Variants in ADGB observed in about 807,000 individuals in gnomAD.
ADGB encodes androglobin.
In ADGB, 172 loss-of-function variants were observed where a neutral mutation model predicts 210.5. The observed-to-expected ratio is 0.82, with a 90% confidence interval of 0.72 to 0.93. ADGB has a LOEUF of 0.93. ADGB is among the 40% of genes least tolerant of loss of function. ADGB has a pLI of 0.00. For synonymous variants in ADGB, 658 were observed against 662.7 expected, an observed-to-expected ratio of 0.99 and a Z score of 0.11; for missense variants, 2,025 against 1,964.8, an observed-to-expected ratio of 1.03 and a Z score of -0.58.
chr6:146,670,394 T>C (rs184621318), intron 7 of ADGB, among the ~76,000 whole-genome samples: 1 of 152,298 alleles, frequency 6.6e-6, no homozygotes, highest in Admixed American at 6.5e-5. Flanking sequence ...CCAAGTCTTC[T>C]TTCTGTTTCT....
chr6:146,787,030 A>C (rs563622089), intron 32 of ADGB, among the ~76,000 whole-genome samples: 6 of 152,150 alleles, frequency 3.9e-5, no homozygotes, highest in Non-Finnish European at 8.8e-5. Flanking sequence ...GTTAGGTGTC[A>C]AGGGTCAGGA....
At chr6:146,809,035 G>A (rs1020331513) in intron 35 of ADGB, among the ~76,000 whole-genome samples, 3 of 90,402 alleles carry the variant, frequency 3.3e-5, no homozygotes, top group African/African-American at 2.2e-4. Flanking sequence ...AGAATGTGGA[G>A]GTCAAAAGGG....
intron 33 of ADGB, among the ~76,000 whole-genome samples, chr6:146,796,506 C>T (rs1583643384): frequency 6.6e-6 from 1 of 152,062 alleles, no homozygotes; most frequent in African/African-American, 2.4e-5. Context: ...ATGGTACTTT[C>T]ATGGAAACAG....
At chr6:146,689,556 TA>T (rs909197897) in intron 10 of ADGB, among the ~76,000 whole-genome samples, 13 of 150,992 alleles carry the variant, frequency 8.6e-5, no homozygotes, top group African/African-American at 1.2e-4. Flanking sequence ...CTCTACGGTC[TA>T]AAAAAAAAGT....
chr6:146,657,048 G>A, intron 5 of ADGB, 68 bp downstream of exon 5: 9 of 1,372,206 alleles, frequency 6.6e-6, no homozygotes, highest in Non-Finnish European at 8.0e-6. Flanking sequence ...GTCCTGGCAT[G>A]GTGGCTCATG....
intron 2 of ADGB, among the ~76,000 whole-genome samples, chr6:146,640,846 C>T (rs1190424069): frequency 6.6e-6 from 1 of 151,916 alleles, no homozygotes. Flanking sequence ...CCTTTGAAAA[C>T]CACCATAAGA....
intron 35 of ADGB, chr6:146,803,728 G>A: frequency 1.1e-6 from 1 of 930,338 alleles, no homozygotes; most frequent in Non-Finnish European, 1.7e-6. Flanking sequence ...AAGTACCGGC[G>A]CCTCATGGTA....
intron 29 of ADGB, among the ~76,000 whole-genome samples, chr6:146,777,127 G>A (rs1777732884): frequency 6.6e-6 from 1 of 151,740 alleles, no homozygotes; most frequent in Non-Finnish European, 1.5e-5. Context: ...ATAAATATGG[G>A]TTATTTACAA....
intron 27 of ADGB, among the ~76,000 whole-genome samples, chr6:146,761,073 C>T (rs1777482492): frequency 6.6e-6 from 1 of 151,820 alleles, no homozygotes; most frequent in Non-Finnish European, 1.5e-5. Flanking sequence ...TTAACAGCAA[C>T]TTTAGAAGAG....
intron 1 of ADGB, among the ~76,000 whole-genome samples, chr6:146,627,788 C>T (rs1780999231): frequency 6.6e-6 from 1 of 151,988 alleles, no homozygotes; most frequent in South Asian, 2.1e-4. Context: ...GAAAGTATAC[C>T]TTGCTGTCCC....
intron 10 of ADGB, among the ~76,000 whole-genome samples, chr6:146,687,982 A>T (rs1416204027): frequency 6.6e-6 from 1 of 152,144 alleles, no homozygotes; most frequent in Non-Finnish European, 1.5e-5. Flanking sequence ...TTTAAGTTAA[A>T]AAACTAAGAC....
chr6:146,741,510 A>C (rs1315612935), intron 25 of ADGB, among the ~76,000 whole-genome samples: 1 of 152,198 alleles, frequency 6.6e-6, no homozygotes, highest in African/African-American at 2.4e-5. Context: ...ATATGACAAA[A>C]AGAAAGCATT....
chr6:146,610,105 C>A (rs1780685610), intron 1 of ADGB, among the ~76,000 whole-genome samples: 1 of 152,086 alleles, frequency 6.6e-6, no homozygotes. Flanking sequence ...ACTCTGAGAT[C>A]ATTTCTTTAT....
chr6:146,766,091 G>C (rs372328657), intron 28 of ADGB, among the ~76,000 whole-genome samples: 1 of 152,040 alleles, frequency 6.6e-6, no homozygotes, highest in East Asian at 1.9e-4. Flanking sequence ...ATTAGAAACA[G>C]CTCTGTGCCA....
intron 1 of ADGB, among the ~76,000 whole-genome samples, chr6:146,607,239 A>G (rs1780644478): frequency 6.6e-6 from 1 of 152,148 alleles, no homozygotes; most frequent in Non-Finnish European, 1.5e-5. Context: ...ATTTTTGTAC[A>G]TTGGCTTTGT....
At position 146,656,904 on chromosome 6, in the gene ADGB, C is replaced by G; in HGVS notation, c.536C>G (p.Ser179Cys). The change falls in exon 5 of 36, where the codon TCT (serine) becomes TGT (cysteine). Residue 179 changes from serine to cysteine, a missense_variant. Ser to Cys is a moderately radical substitution (Grantham distance 112). Transcript: ENST00000397944. ...LPWKPWEHIY[S>C]LCKAVKGHMP... is the part of the protein sequence containing the mutation. ...TGGAAGCCCTGGGAACACATATACT[C>G]TCTGTGCAAGGCTGTGAAGGGTCAT... 6 of 1,551,650 alleles carry G rather than the reference C, an allele frequency of 3.9e-6. No homozygotes were observed. Among genetic ancestry groups the G allele is most frequent in the East Asian group, 2.4e-5 (1 of 40,906 alleles).
At chr6:146,708,911 CTT>C (rs1776617690) in intron 13 of ADGB, among the ~76,000 whole-genome samples, 1 of 151,942 alleles carries the variant, frequency 6.6e-6, no homozygotes, top group African/African-American at 2.4e-5. Context: ...CTTTTTTCCA[CTT>C]TGAGTGCATA....
chr6:146,800,834 C>A (rs2114664616), intron 33 of ADGB, among the ~76,000 whole-genome samples: 1 of 152,074 alleles, frequency 6.6e-6, no homozygotes, highest in East Asian at 1.9e-4. Flanking sequence ...AAATACTGGG[C>A]CATTTAACTT....
chr6:146,711,419 G>A (rs1354681062), intron 13 of ADGB, among the ~76,000 whole-genome samples: 2 of 151,804 alleles, frequency 1.3e-5, no homozygotes, highest in African/African-American at 4.8e-5. Context: ...TGCAAACTGA[G>A]AGAACTTTGC....
Sources: allele counts gnomAD v4.1 joint callset (sites outside exome capture counted in the v4.1 genomes callset), GRCh38; gene constraint gnomAD v4.1.1; transcripts MANE v1.5; gene names NCBI Gene and HGNC (gene_info 2026-07-23, HGNC 2026-07-21).